PCDHGB4: variants seen among roughly 807,000 people sequenced by gnomAD.
The protein encoded by PCDHGB4 is protocadherin gamma subfamily B, 4, also known as protocadherin gamma-B4.
In PCDHGB4, 38 loss-of-function variants were observed where a neutral mutation model predicts 60.5. The observed-to-expected ratio is 0.63, with a 90% confidence interval of 0.48 to 0.82. The LOEUF (loss-of-function observed/expected upper bound fraction) is 0.82, where lower values mean the gene tolerates loss of function less well. Ranked by LOEUF, PCDHGB4 falls within the 40% of genes least tolerant of loss-of-function variation. The pLI, the probability that PCDHGB4 is intolerant of heterozygous loss-of-function variation, is 0.00. For synonymous variants in PCDHGB4, 456 were observed against 509.7 expected, an observed-to-expected ratio of 0.89 and a Z score of 1.42; for missense variants, 1,109 against 1,209.6, an observed-to-expected ratio of 0.92 and a Z score of 1.23.
At chr5:141,403,699 TAA>T in intron 1 of PCDHGB4, 1 of 1,613,934 alleles carries the variant, frequency 6.2e-7, no homozygotes, top group East Asian at 2.2e-5. Context: ...TTTACCGAGT[TAA>T]AGTCCTTGAG....
chr5:141,470,622 A>G (rs1323376824), intron 1 of PCDHGB4, among the ~76,000 whole-genome samples: 6 of 152,336 alleles, frequency 3.9e-5, no homozygotes, highest in Admixed American at 6.5e-5. Flanking sequence ...CTTCATGCTT[A>G]GATAGGCCCC....
chr5:141,419,777 C>T (rs976849391), intron 1 of PCDHGB4: 3 of 1,614,054 alleles, frequency 1.9e-6, no homozygotes, highest in Admixed American at 3.3e-5. Flanking sequence ...CTCGGTCCGC[C>T]AGCGCCTGCT....
At position 141,487,991 on chromosome 5, in the gene PCDHGB4, G is replaced by C. The variant is rs932744807; in HGVS notation, c.2398-6816G>C. ...GCTGTTTTCTCTACTCTTCCTGAAA[G>C]AGGGGATCAGATTCTGAAGTACCTT... On this transcript the variant is annotated intron_variant, in intron 1 of 3. Coordinates refer to ENST00000519479, the MANE Select transcript of PCDHGB4 (RefSeq NM_003736.4). The surrounding 1 kb of genome is among the most constrained non-coding windows in gnomAD (Gnocchi z 5.0). 2.6e-5 allele frequency among the ~76,000 whole-genome samples: 4 copies of C among 152,194 alleles called. No homozygotes were observed. The highest frequency in any genetic ancestry group is 4.4e-5 in the Non-Finnish European group (3 of 68,030).
At chr5:141,429,924 A>T (rs2097252885) in intron 1 of PCDHGB4, among the ~76,000 whole-genome samples, 1 of 152,210 alleles carries the variant, frequency 6.6e-6, no homozygotes, top group Admixed American at 6.5e-5. Context: ...GTATTAATAG[A>T]ATTCTGGAGT....
intron 1 of PCDHGB4, 138 bp from the exon 2 acceptor site, chr5:141,494,669 T>A: frequency 6.5e-7 from 1 of 1,527,472 alleles, no homozygotes; most frequent in South Asian, 1.2e-5. Context: ...TGGAGATGAG[T>A]CCACCCCTGC....
At chr5:141,496,236 C>T (rs1290509264) in intron 2 of PCDHGB4, among the ~76,000 whole-genome samples, 7 of 152,138 alleles carry the variant, frequency 4.6e-5, no homozygotes, top group Middle Eastern at 3.2e-3. Flanking sequence ...GAACCCCCTG[C>T]GGGCTGAAGG....
intron 1 of PCDHGB4, among the ~76,000 whole-genome samples, chr5:141,401,057 A>G (rs1021828194): frequency 1.3e-5 from 2 of 152,170 alleles, no homozygotes; most frequent in Non-Finnish European, 2.9e-5. Flanking sequence ...AAAATACTAT[A>G]TGTTGGCTGG....
chr5:141,423,996 A>G (rs1164307988), intron 1 of PCDHGB4: 1 of 1,079,028 alleles, frequency 9.3e-7, no homozygotes, highest in African/African-American at 1.7e-5. Context: ...AATTTATTAT[A>G]TATAGATACA....
rs1267535064 is a variant in PCDHGB4, at chr5:141,395,542, T to TTGTTTGTG, written c.2397+5264_2397+5265insTTGTGTGT. On this transcript the variant is annotated intron_variant, in intron 1 of 3. Coordinates refer to ENST00000519479, the MANE Select transcript of PCDHGB4 (RefSeq NM_003736.4). Reference sequence around the variant, plus strand: ...TCCATACTGGTAATTTTGCTATTGTTTGTGTGTGTGTGTGTGTGTGTGTGT... The same window carrying TTGTTTGTG: ...TCCATACTGGTAATTTTGCTATTGTTTGTTTGTGTGTGTGTGTGTGTGTGTGTGTGTGT... 308 of 172,612 alleles carry TTGTTTGTG rather than the reference T, an allele frequency of 1.8e-3. 2 individuals are homozygous for TTGTTTGTG. Among genetic ancestry groups the TTGTTTGTG allele is most frequent in the African/African-American group, 0.017 (292 of 17,534 alleles). The allele number at this position is 172,612 out of a possible 1,614,324, so 10.7% of individuals were successfully genotyped here.
chr5:141,501,130 G>C (rs528942194), intron 2 of PCDHGB4, among the ~76,000 whole-genome samples: 1 of 152,218 alleles, frequency 6.6e-6, no homozygotes, highest in South Asian at 2.1e-4. Flanking sequence ...GCCTCCCTAA[G>C]TGCTGGGATT....
chr5:141,403,832 C>T (rs374600582), intron 1 of PCDHGB4: 1 of 1,613,684 alleles, frequency 6.2e-7, no homozygotes, highest in Non-Finnish European at 8.5e-7. Context: ...GCTATTCCAG[C>T]TTAATGAAAA....
chr5:141,393,155 A>G (rs1158641344), intron 1 of PCDHGB4: 1 of 1,613,328 alleles, frequency 6.2e-7, no homozygotes, highest in Non-Finnish European at 8.5e-7. Flanking sequence ...AGGATAAAGG[A>G]AAACTCTTTG....
intron 1 of PCDHGB4, chr5:141,392,765 C>T (rs952463522): frequency 2.7e-6 from 4 of 1,482,974 alleles, no homozygotes; most frequent in Admixed American, 5.1e-5. Flanking sequence ...TAAATAAGAC[C>T]CATTTATGCA....
Position 141,403,639 on chromosome 5 carries a change from T to C in PCDHGB4, c.2397+13358T>C, listed in dbSNP as rs377402370. On this transcript the variant is annotated intron_variant, in intron 1 of 3. Coordinates refer to ENST00000519479, the MANE Select transcript of PCDHGB4 (RefSeq NM_003736.4). ...GTCGCTCCAGCACAGTGCGCATCCA[T>C]GTGACAGTGTTGGATACAAATGATA... 1.4e-4 allele frequency: 219 copies of C among 1,613,892 alleles called. 1 individual carries two copies. The East Asian group carries it at 4.5e-3, about 33-fold the overall frequency.
At chr5:141,451,880 A>G (rs1322052501) in intron 1 of PCDHGB4, among the ~76,000 whole-genome samples, 1 of 152,106 alleles carries the variant, frequency 6.6e-6, no homozygotes, top group East Asian at 1.9e-4. Flanking sequence ...AACCCTGTCA[A>G]GAAAGAAAGG....
At position 141,431,110 on chromosome 5, in the gene PCDHGB4, T is replaced by G; in HGVS notation, c.2397+40829T>G. 1.2e-6 allele frequency: 2 copies of G among 1,614,168 alleles called. No individual in the cohort carries two copies. The highest frequency in any genetic ancestry group is 1.7e-6 in the Non-Finnish European group (2 of 1,180,012). On this transcript the variant is annotated intron_variant, in intron 1 of 3. Transcript: ENST00000519479. This position sits in a 1 kb window ranked among gnomAD's most constrained non-coding sequence, Gnocchi z 4.8. Reference sequence around the variant, plus strand: ...TGATGGAGGATAAAGTGAAAATATATGGAGTAGAAGTAGAAGTAAGGGACA... The same window carrying G: ...TGATGGAGGATAAAGTGAAAATATAGGGAGTAGAAGTAGAAGTAAGGGACA...
At chr5:141,466,180 A>T (rs566514149) in intron 1 of PCDHGB4, among the ~76,000 whole-genome samples, 100 of 151,254 alleles carry the variant, frequency 6.6e-4, no homozygotes, top group African/African-American at 2.1e-3. Context: ...TTTTATTTTT[A>T]TTTTTTTTCA....
At chr5:141,410,235 G>T (rs753193390) in intron 1 of PCDHGB4, 1 of 1,613,852 alleles carries the variant, frequency 6.2e-7, no homozygotes, top group Non-Finnish European at 8.5e-7. Context: ...CTCAGCGACC[G>T]CCCTGTACTC....
intron 1 of PCDHGB4, chr5:141,398,722 A>T: frequency 1.9e-6 from 3 of 1,613,816 alleles, no homozygotes; most frequent in Non-Finnish European, 2.5e-6. Context: ...ACTGGAGAAA[A>T]CCTTAGACCG....
Sources: gnomAD v4.1 joint callset for allele counts (sites outside exome capture counted in the v4.1 genomes callset) on GRCh38, gnomAD v4.1.1 for gene constraint, Gnocchi (gnomAD v3.1) non-coding constraint, MANE v1.5 for transcripts, NCBI Gene and HGNC (gene_info 2026-07-23, HGNC 2026-07-21) for gene names.